PAK3: variants seen among roughly 807,000 people sequenced by gnomAD.
PAK3 encodes the protein p21 (RAC1) activated kinase 3.
Under a neutral mutation model 41.0 loss-of-function variants are expected in PAK3, and 4 were observed. The observed-to-expected ratio is 0.10, with a 90% CI of 0.05 to 0.22. The LOEUF is 0.22. Among genes scored for constraint, PAK3 ranks in the 10% least tolerant of loss-of-function variants. The probability of loss-of-function intolerance (pLI) is 1.00; values close to 1 mark genes in which losing one functional copy is unlikely to be tolerated. For synonymous variants in PAK3, 146 were observed against 139.6 expected (o/e 1.05, Z -0.32); for missense variants, 205 against 409.9 (o/e 0.50, Z 4.32).
chrX:110,958,034 G>T (rs1256525710), intron 1 of PAK3, among the ~76,000 whole-genome samples: 1 of 111,886 alleles, frequency 8.9e-6, no homozygotes, highest in Non-Finnish European at 1.9e-5. Flanking sequence ...CATTGAGATG[G>T]TTGAGGAGCA....
intron 5 of PAK3, among the ~76,000 whole-genome samples, chrX:111,127,437 G>A (rs1261019442): frequency 1.5e-4 from 17 of 109,742 alleles, no homozygotes; most frequent in Admixed American, 5.8e-4. Flanking sequence ...CAAGAGACAG[G>A]TAGAAGAAAA....
chrX:111,207,113 TATATAC>T (rs1288142210), intron 16 of PAK3, among the ~76,000 whole-genome samples: 34 of 106,189 alleles, frequency 3.2e-4, no homozygotes, highest in African/African-American at 1.2e-3. Context: ...TATATATACA[TATATAC>T]ATATACATAT....
chrX:111,076,815 C>G (rs1347723259), intron 1 of PAK3, among the ~76,000 whole-genome samples: 2 of 111,725 alleles, frequency 1.8e-5, no homozygotes, highest in Non-Finnish European at 3.8e-5. Context: ...ACTGGAATTC[C>G]TAGCCAGAGT....
At chrX:111,069,866 T>C (rs1467042009) in intron 1 of PAK3, among the ~76,000 whole-genome samples, 1 of 111,672 alleles carries the variant, frequency 9.0e-6, no homozygotes, top group East Asian at 2.8e-4. Flanking sequence ...TCTTACTTCC[T>C]TGACGACCCT....
chrX:111,021,010 T>C (rs1003706566), intron 1 of PAK3, among the ~76,000 whole-genome samples: 1 of 111,412 alleles, frequency 9.0e-6, no homozygotes, highest in Non-Finnish European at 1.9e-5. Flanking sequence ...AAACACTGCA[T>C]AAGGAGAGGC....
chrX:110,960,667 G>T (rs1241166435), intron 1 of PAK3, among the ~76,000 whole-genome samples: 1 of 110,976 alleles, frequency 9.0e-6, no homozygotes, highest in Non-Finnish European at 1.9e-5. Flanking sequence ...GAAAGGAATA[G>T]GGTGTGACTT....
intron 1 of PAK3, among the ~76,000 whole-genome samples, chrX:111,039,284 GC>G (rs2092430648): frequency 8.9e-6 from 1 of 112,133 alleles, no homozygotes; most frequent in Admixed American, 9.5e-5. Flanking sequence ...TTGACAAGAG[GC>G]TTTTGGTGAA....
At chrX:111,060,107 CCT>C (rs775006083) in intron 1 of PAK3, among the ~76,000 whole-genome samples, 4 of 111,358 alleles carry the variant, frequency 3.6e-5, no homozygotes, top group African/African-American at 1.3e-4. Context: ...ACTTTCCTTC[CCT>C]CTCTTGTTTG....
intron 1 of PAK3, among the ~76,000 whole-genome samples, chrX:111,059,709 G>T (rs1014769068): frequency 1.8e-5 from 2 of 111,454 alleles, no homozygotes; most frequent in Non-Finnish European, 3.8e-5. Context: ...CATTATAAAA[G>T]AAAATGATTT....
At chrX:111,076,592 A>G (rs2092787927) in intron 1 of PAK3, among the ~76,000 whole-genome samples, 1 of 111,456 alleles carries the variant, frequency 9.0e-6, no homozygotes, top group African/African-American at 3.3e-5. Context: ...AGCCAAAATA[A>G]CCCTCTTTTC....
chrX:110,963,649 C>G (rs1175650860), intron 1 of PAK3, among the ~76,000 whole-genome samples: 1 of 112,278 alleles, frequency 8.9e-6, no homozygotes, highest in African/African-American at 3.2e-5. Flanking sequence ...AGTAAAAGCA[C>G]TGAATTGAAA....
At chrX:111,015,603 A>G (rs753948816) in intron 1 of PAK3, among the ~76,000 whole-genome samples, 2 of 111,027 alleles carry the variant, frequency 1.8e-5, no homozygotes, top group African/African-American at 6.5e-5. Flanking sequence ...ATCCTTGCAA[A>G]CCCTTGTTAT....
At chrX:111,132,406 T>C (rs1009112587) in intron 5 of PAK3, among the ~76,000 whole-genome samples, 5 of 110,983 alleles carry the variant, frequency 4.5e-5, no homozygotes, top group Non-Finnish European at 9.5e-5. Context: ...TGCTTGGCTT[T>C]AGGAATATAT....
At chrX:110,954,444 A>T (rs977212125) in intron 1 of PAK3, among the ~76,000 whole-genome samples, 1 of 112,292 alleles carries the variant, frequency 8.9e-6, no homozygotes, top group Non-Finnish European at 1.9e-5. Flanking sequence ...AGTGATTTGC[A>T]CAAGTTCACT....
chrX:111,085,673 T>A (rs2092875766), intron 1 of PAK3, among the ~76,000 whole-genome samples: 1 of 111,827 alleles, frequency 8.9e-6, no homozygotes, highest in African/African-American at 3.3e-5. Flanking sequence ...TTCTCCAAAA[T>A]ATCCCTCTTT....
chrX:111,096,904 A>ACACACC (rs2093007820), intron 1 of PAK3, among the ~76,000 whole-genome samples: 1 of 108,464 alleles, frequency 9.2e-6, no homozygotes, highest in African/African-American at 3.4e-5. Flanking sequence ...ACACACACAC[A>ACACACC]CACACACGAG....
At chrX:110,965,041 T>A (rs2091054328) in intron 1 of PAK3, among the ~76,000 whole-genome samples, 1 of 112,131 alleles carries the variant, frequency 8.9e-6, no homozygotes, top group Non-Finnish European at 1.9e-5. Flanking sequence ...GCCGCACTTG[T>A]TATTTTGCTC....
In PAK3 at chrX:110,993,446, C is replaced by A. The variant is rs1287325289; in HGVS notation, c.-28+48818C>A. Among the ~76,000 whole-genome samples the A allele has an allele frequency of 3.6e-5, 4 of 111,462 alleles. No homozygotes were observed. The South Asian group carries it at 1.2e-3, about 32-fold the overall frequency. On this transcript the variant is annotated intron_variant, in intron 1 of 14. Coordinates refer to the PAK3 transcript ENST00000425146. ...CTCAATTTTGTTCTTCAACATATTC[C>A]GACATCCCTGCCAGGTTTGAGTCAT...
chrX:111,108,952 C>T (rs140680576), intron 4 of PAK3, among the ~76,000 whole-genome samples: 3 of 112,127 alleles, frequency 2.7e-5, no homozygotes, highest in Admixed American at 9.4e-5. Flanking sequence ...TGTTTAATAA[C>T]CCATTCTTCC....
Sources: allele counts gnomAD v4.1 joint callset (sites outside exome capture counted in the v4.1 genomes callset), GRCh38; gene constraint gnomAD v4.1.1; transcripts MANE v1.5; gene names NCBI Gene and HGNC (gene_info 2026-07-23, HGNC 2026-07-21).